Variants in PSD3 observed in about 807,000 individuals in gnomAD.
PSD3 encodes pleckstrin and Sec7 domain containing 3.
A neutral mutation model predicts 105.5 loss-of-function variants in PSD3; 49 were observed. The ratio of observed to expected loss-of-function variants is 0.46; its 90% confidence interval spans 0.37 to 0.59. The LOEUF is 0.59. PSD3 is among the 20% of genes least tolerant of loss of function. The probability of loss-of-function intolerance (pLI) is 0.00; values close to 1 mark genes in which losing one functional copy is unlikely to be tolerated. For missense variants in PSD3, 1,561 were observed against 1,263.8 expected (o/e 1.24, Z -3.57); for synonymous variants, 557 against 457.8 (o/e 1.22, Z -2.77).
At chr8:18,701,636 G>C (rs1358749603) in intron 9 of PSD3, among the ~76,000 whole-genome samples, 8 of 152,186 alleles carry the variant, frequency 5.3e-5, no homozygotes. Flanking sequence ...CTTCCTAGTA[G>C]TGCAGAGTAA....
At chr8:19,081,409 T>A (rs1257261456) in intron 1 of PSD3, among the ~76,000 whole-genome samples, 4 of 152,132 alleles carry the variant, frequency 2.6e-5, no homozygotes, top group Admixed American at 6.5e-5. Flanking sequence ...GGAAAGACAG[T>A]GAAAGAAGGC....
At chr8:18,582,373 T>C (rs1348084815) in intron 12 of PSD3, among the ~76,000 whole-genome samples, 3 of 152,122 alleles carry the variant, frequency 2.0e-5, no homozygotes, top group African/African-American at 7.2e-5. Flanking sequence ...AAACATCTCT[T>C]AACATCTCTG....
At chr8:19,074,299 C>T (rs1829374712) in intron 1 of PSD3, among the ~76,000 whole-genome samples, 2 of 151,964 alleles carry the variant, frequency 1.3e-5, no homozygotes, top group African/African-American at 4.8e-5. Context: ...TGGCCTTATT[C>T]AGTTGCCATC....
At chr8:18,875,058 A>G (rs1238636915) in intron 2 of PSD3, among the ~76,000 whole-genome samples, 2 of 152,028 alleles carry the variant, frequency 1.3e-5, no homozygotes, top group Non-Finnish European at 2.9e-5. Context: ...TGGGACCACA[A>G]CAGGCATGCA....
At chr8:18,564,110 T>C (rs951510769) in intron 14 of PSD3, among the ~76,000 whole-genome samples, 1 of 118,994 alleles carries the variant, frequency 8.4e-6, no homozygotes, top group African/African-American at 3.4e-5. Context: ...GTTTTCTTCT[T>C]CTTTTTTTTT....
Position 18,677,775 on chromosome 8 carries a change from G to C in PSD3, c.2173-22090C>G, listed in dbSNP as rs563907436. The stretch of plus-strand genomic sequence containing the variant: ...GCCTGTAATCTCAGCACTGTGGGAG[G>C]CGAGGCGGCCAGATCACGAGGTCAG... On this transcript the variant is annotated intron_variant, in intron 9 of 15. Transcript: ENST00000327040. Among the ~76,000 whole-genome samples, 126 of 152,236 alleles carry C rather than the reference G, an allele frequency of 8.3e-4. No individual in the cohort carries two copies. In the East Asian group the frequency reaches 0.022, roughly 26 times the overall value.
intron 2 of PSD3, among the ~76,000 whole-genome samples, chr8:18,878,464 A>C (rs1361350035): frequency 2.0e-5 from 3 of 152,156 alleles, no homozygotes; most frequent in Non-Finnish European, 4.4e-5. Flanking sequence ...CATTGCCTCT[A>C]CACTGAAGTA....
At chr8:18,725,725 A>G (rs1803296547) in intron 9 of PSD3, among the ~76,000 whole-genome samples, 1 of 152,204 alleles carries the variant, frequency 6.6e-6, no homozygotes, top group Non-Finnish European at 1.5e-5. Context: ...TGTAAGATGA[A>G]CAGATATCAT....
At chr8:18,698,732 C>T (rs1475378700) in intron 9 of PSD3, among the ~76,000 whole-genome samples, 1 of 152,100 alleles carries the variant, frequency 6.6e-6, no homozygotes, top group African/African-American at 2.4e-5. Context: ...ATACAAGTAA[C>T]ATCCAAGATG....
At chr8:18,821,020 G>C (rs1206282061) in intron 4 of PSD3, among the ~76,000 whole-genome samples, 4 of 152,166 alleles carry the variant, frequency 2.6e-5, no homozygotes, top group African/African-American at 2.4e-5. Context: ...CAAATGCTGA[G>C]ATTATAAAAG....
chr8:18,981,028 T>G (rs538737594), intron 1 of PSD3, among the ~76,000 whole-genome samples: 1 of 152,222 alleles, frequency 6.6e-6, no homozygotes, highest in South Asian at 2.1e-4. Flanking sequence ...TCAGAGTTAT[T>G]TGCACCCTGG....
Position 18,748,431 on chromosome 8 carries a change from C to T in PSD3, c.2172+17018G>A, listed in dbSNP as rs1348772085. On this transcript the variant is annotated intron_variant, in intron 9 of 15. Transcript: ENST00000327040. Reference sequence around the variant, plus strand: ...ATCCCAGCACTTTGAGAGGCCAAGGCGGGCGGATCACGAGGCCAGGAGATC... The same window carrying T: ...ATCCCAGCACTTTGAGAGGCCAAGGTGGGCGGATCACGAGGCCAGGAGATC... Among the ~76,000 whole-genome samples the T allele has an allele frequency of 7.9e-5, 12 of 152,110 alleles. No individual in the cohort carries two copies. The East Asian group carries it at 9.7e-4, about 12-fold the overall frequency.
intron 1 of PSD3, among the ~76,000 whole-genome samples, chr8:19,072,910 T>G (rs1415493791): frequency 6.6e-6 from 1 of 152,216 alleles, no homozygotes; most frequent in Non-Finnish European, 1.5e-5. Context: ...TGAATACTTT[T>G]GTACCGTTGA....
chr8:18,663,896 ATC>A (rs1809534417), intron 9 of PSD3, among the ~76,000 whole-genome samples: 2 of 152,310 alleles, frequency 1.3e-5, no homozygotes, highest in Non-Finnish European at 2.9e-5. Context: ...TTCACTTTGT[ATC>A]TCTCTGTCAC....
chr8:18,648,412 G>A (rs1463677695), intron 10 of PSD3, among the ~76,000 whole-genome samples: 2 of 152,202 alleles, frequency 1.3e-5, no homozygotes, highest in Admixed American at 6.5e-5. Context: ...CCCTGCCCTA[G>A]GGATCTGTGG....
At chr8:18,721,173 A>G (rs1041013593) in intron 9 of PSD3, 52 of 152,000 alleles carry the variant, frequency 3.4e-4, no homozygotes, top group African/African-American at 1.2e-3. Flanking sequence ...CTGAAAACTC[A>G]CTTCTGGCTA....
chr8:18,559,549 T>C (rs1801270495), intron 14 of PSD3, among the ~76,000 whole-genome samples: 1 of 152,190 alleles, frequency 6.6e-6, no homozygotes, highest in South Asian at 2.1e-4. Flanking sequence ...TAGAATCCAA[T>C]AATTAGAATC....
At chr8:18,552,996 C>G (rs921762379) in intron 15 of PSD3, among the ~76,000 whole-genome samples, 15 of 151,942 alleles carry the variant, frequency 9.9e-5, no homozygotes, top group African/African-American at 3.4e-4. Flanking sequence ...TATTTACTGT[C>G]AGTCAGAGTT....
intron 9 of PSD3, among the ~76,000 whole-genome samples, chr8:18,756,499 G>A (rs1292407192): frequency 6.6e-6 from 1 of 151,998 alleles, no homozygotes; most frequent in African/African-American, 2.4e-5. Context: ...GTAAATACAA[G>A]GTGAGAGCTA....
Sources: gnomAD v4.1 joint callset for allele counts (sites outside exome capture counted in the v4.1 genomes callset) on GRCh38, gnomAD v4.1.1 for gene constraint, MANE v1.5 for transcripts, NCBI Gene and HGNC (gene_info 2026-07-23, HGNC 2026-07-21) for gene names.